The following TENM4 variants were observed in gnomAD, a reference collection of about 807,000 sequenced individuals.
TENM4 encodes teneurin-4.
In TENM4, 82 loss-of-function variants were observed where a neutral mutation model predicts 243.3. The ratio of observed to expected loss-of-function variants is 0.34; its 90% CI spans 0.28 to 0.40. The LOEUF is 0.40. Ranked by LOEUF, TENM4 falls within the 10% of genes least tolerant of loss-of-function variation. The probability of loss-of-function intolerance (pLI) is 1.00; values close to 1 mark genes in which losing one functional copy is unlikely to be tolerated. For synonymous variants in TENM4, 1,412 were observed against 1,456.3 expected (o/e 0.97, Z 0.69); for missense variants, 3,138 against 3,673.3 (o/e 0.85, Z 3.77).
At chr11:78,811,188 T>C (rs1408808609) in intron 14 of TENM4, among the ~76,000 whole-genome samples, 1 of 152,200 alleles carries the variant, frequency 6.6e-6, no homozygotes, top group African/African-American at 2.4e-5. Flanking sequence ...AGGGCCAGGA[T>C]GCAAACCTAT....
intron 4 of TENM4, among the ~76,000 whole-genome samples, chr11:79,140,754 G>T (rs1862271330): frequency 1.3e-5 from 2 of 152,104 alleles, no homozygotes; most frequent in African/African-American, 4.8e-5. Context: ...TTTCTTCACA[G>T]TTTTCTAACT....
intron 1 of TENM4, among the ~76,000 whole-genome samples, chr11:79,339,627 G>A (rs886085000): frequency 1.3e-5 from 2 of 152,024 alleles, no homozygotes; most frequent in African/African-American, 2.4e-5. Context: ...CAGAGAGACC[G>A]AGTAACCTGC....
chr11:78,994,358 A>T (rs986766984), intron 6 of TENM4, among the ~76,000 whole-genome samples: 1 of 152,326 alleles, frequency 6.6e-6, no homozygotes, highest in East Asian at 1.9e-4. Context: ...GAGGACCTCA[A>T]TGCAGATTTC....
At chr11:79,027,281 C>T (rs150325894) in intron 6 of TENM4, among the ~76,000 whole-genome samples, 3 of 152,286 alleles carry the variant, frequency 2.0e-5, no homozygotes, top group African/African-American at 4.8e-5. Context: ...CAAAGATTCA[C>T]GCAGTCACCA....
chr11:79,351,810 TC>T (rs1384697550), intron 1 of TENM4, among the ~76,000 whole-genome samples: 2 of 152,168 alleles, frequency 1.3e-5, no homozygotes, highest in Non-Finnish European at 2.9e-5. Context: ...TCCTCTGACA[TC>T]CCTTTTTTCT....
chr11:78,726,297 G>T, intron 22 of TENM4, 75 bp from the exon 23 acceptor site: 2 of 1,495,084 alleles, frequency 1.3e-6, no homozygotes, highest in South Asian at 1.4e-5. Context: ...TGTAGGCAAG[G>T]CCCCTGGCTT....
At position 78,899,570 on chromosome 11, in the gene TENM4, G is replaced by T. The variant is rs1254672219; in HGVS notation, c.749+3698C>A. On this transcript the variant is annotated intron_variant, in intron 7 of 33. Transcript: ENST00000278550. Reference sequence around the variant, plus strand: ...TCTGTCTCAAAAAGCGGGGGGGGGGGGAAAAAGAAAAAAGAAAGAAAATTT... The same window carrying T: ...TCTGTCTCAAAAAGCGGGGGGGGGGTGAAAAAGAAAAAAGAAAGAAAATTT... Among the ~76,000 whole-genome samples the T allele has an allele frequency of 8.3e-5, 10 of 121,006 alleles. 1 individual carries two copies. The highest frequency in any genetic ancestry group is 2.4e-4 in the African/African-American group (8 of 33,962). 79.4% of individuals were successfully genotyped at this position (121,006 alleles called of 152,430 possible).
intron 4 of TENM4, among the ~76,000 whole-genome samples, chr11:79,082,890 C>T (rs1415878943): frequency 6.6e-6 from 1 of 152,194 alleles, no homozygotes; most frequent in Non-Finnish European, 1.5e-5. Flanking sequence ...TAATTAAAGG[C>T]AGACTTAATA....
chr11:78,660,378 G>C (rs1857998746), intron 33 of TENM4, among the ~76,000 whole-genome samples: 1 of 152,002 alleles, frequency 6.6e-6, no homozygotes, highest in Admixed American at 6.6e-5. Context: ...GTGCTATCCT[G>C]TATGCTGGGT....
intron 29 of TENM4, among the ~76,000 whole-genome samples, chr11:78,677,379 C>A (rs536195413): frequency 6.6e-6 from 1 of 151,946 alleles, no homozygotes; most frequent in South Asian, 2.1e-4. Context: ...CTCAGCCTCC[C>A]AAGTAGCTAG....
At chr11:78,988,533 T>TCTTC (rs1857970566) in intron 6 of TENM4, among the ~76,000 whole-genome samples, 1 of 152,220 alleles carries the variant, frequency 6.6e-6, no homozygotes, top group Non-Finnish European at 1.5e-5. Context: ...TGAGCTTATA[T>TCTTC]CTTAAAGAAG....
In TENM4 at chr11:79,215,791, C is replaced by G. The variant is rs1318459969; in HGVS notation, c.-163+17G>C. Reference sequence around the variant, plus strand: ...TGCAGCTAATGACAGAAAATCAGAGCAGACAAGGGGACTGACCTGGCTCCA... The same window carrying G: ...TGCAGCTAATGACAGAAAATCAGAGGAGACAAGGGGACTGACCTGGCTCCA... On this transcript the variant is annotated intron_variant, in intron 3 of 33. Transcript: ENST00000278550. 1.3e-5 allele frequency: 13 copies of G among 985,860 alleles called. No homozygotes were observed. Among genetic ancestry groups the G allele is most frequent in the Non-Finnish European group, 1.6e-5 (13 of 829,966 alleles). 61.1% of individuals were successfully genotyped at this position (985,860 alleles called of 1,614,324 possible).
At chr11:79,023,264 A>T (rs1433749122) in intron 6 of TENM4, among the ~76,000 whole-genome samples, 2 of 152,140 alleles carry the variant, frequency 1.3e-5, no homozygotes, top group Non-Finnish European at 2.9e-5. Context: ...ATTATATTCA[A>T]ATCAAGGTTT....
chr11:79,090,626 G>A (rs1435831252), intron 4 of TENM4, among the ~76,000 whole-genome samples: 2 of 152,208 alleles, frequency 1.3e-5, no homozygotes, highest in East Asian at 3.9e-4. Context: ...AAGTGCCTGG[G>A]CTGGGATTTG....
chr11:79,358,474 T>C (rs566653773), intron 1 of TENM4, among the ~76,000 whole-genome samples: 2 of 152,276 alleles, frequency 1.3e-5, no homozygotes, highest in African/African-American at 4.8e-5. Context: ...AATGCTTATG[T>C]CACCATGTGG....
At chr11:78,947,178 G>A (rs575824782) in intron 6 of TENM4, among the ~76,000 whole-genome samples, 2 of 152,172 alleles carry the variant, frequency 1.3e-5, no homozygotes, top group Admixed American at 6.5e-5. Context: ...AGTACCCACC[G>A]TGTGCACTGG....
intron 1 of TENM4, among the ~76,000 whole-genome samples, chr11:79,361,456 C>T (rs1328602428): frequency 6.6e-6 from 1 of 152,146 alleles, no homozygotes; most frequent in Non-Finnish European, 1.5e-5. Flanking sequence ...GCAAGTTTTC[C>T]TAGGTTCTAA....
At chr11:79,184,443 G>C (rs541880966) in intron 3 of TENM4, among the ~76,000 whole-genome samples, 1 of 151,908 alleles carries the variant, frequency 6.6e-6, no homozygotes, top group Non-Finnish European at 1.5e-5. Context: ...AGGAGGCAGA[G>C]CTCAGGCAGT....
intron 15 of TENM4, 84 bp downstream of exon 15, chr11:78,805,208 A>T (rs547216373): frequency 4.3e-5 from 29 of 672,682 alleles, no homozygotes; most frequent in Non-Finnish European, 5.5e-5. Context: ...TTGCTACGTG[A>T]TTGGGAACAG....
Sources: allele counts gnomAD v4.1 joint callset (sites outside exome capture counted in the v4.1 genomes callset), GRCh38; gene constraint gnomAD v4.1.1; transcripts MANE v1.5; gene names NCBI Gene and HGNC (gene_info 2026-07-23, HGNC 2026-07-21).